DIAPH3: variants seen among roughly 807,000 people sequenced by gnomAD.
DIAPH3 encodes protein diaphanous homolog 3.
In DIAPH3, 117 loss-of-function variants were observed where a neutral mutation model predicts 144.3. The ratio of observed to expected loss-of-function variants is 0.81; its 90% CI spans 0.70 to 0.95. DIAPH3 has a LOEUF of 0.95. Among genes scored for constraint, DIAPH3 ranks in the 40% least tolerant of loss-of-function variants. DIAPH3 has a pLI of 0.00. For missense variants in DIAPH3, 1,421 were observed against 1,412.7 expected, an observed-to-expected ratio of 1.01 and a Z score of -0.09; for synonymous variants, 519 against 488.9, an observed-to-expected ratio of 1.06 and a Z score of -0.81.
chr13:60,119,865 GCCTATAGCACAGTA>G (rs1364510730), intron 2 of DIAPH3, among the ~76,000 whole-genome samples: 1 of 151,520 alleles, frequency 6.6e-6, no homozygotes, highest in Non-Finnish European at 1.5e-5. Context: ...TGTGTATGCA[GCCTATAGCACAGTA>G]CCTGATAGTT....
At chr13:60,088,948 G>A (rs1594633859) in intron 4 of DIAPH3, among the ~76,000 whole-genome samples, 1 of 152,124 alleles carries the variant, frequency 6.6e-6, no homozygotes, top group South Asian at 2.1e-4. Flanking sequence ...CTAACCCTCT[G>A]TAATTGATAG....
intron 17 of DIAPH3, among the ~76,000 whole-genome samples, chr13:59,938,714 A>G (rs913843476): frequency 6.6e-6 from 1 of 152,188 alleles, no homozygotes; most frequent in Non-Finnish European, 1.5e-5. Flanking sequence ...CCCTAGTAGT[A>G]TAAGGAGGTG....
intron 22 of DIAPH3, among the ~76,000 whole-genome samples, chr13:59,858,136 G>T (rs1298460111): frequency 6.6e-6 from 1 of 152,102 alleles, no homozygotes; most frequent in Non-Finnish European, 1.5e-5. Context: ...CATAATGGTG[G>T]TATTATGGGA....
intron 24 of DIAPH3, among the ~76,000 whole-genome samples, chr13:59,818,971 T>G (rs2040923710): frequency 1.3e-5 from 2 of 151,888 alleles, no homozygotes; most frequent in Non-Finnish European, 2.9e-5. Flanking sequence ...ATATTTCATA[T>G]ATTGTTACTA....
In DIAPH3 at chr13:59,973,615, G is replaced by GA. The variant is rs2050511900; in HGVS notation, c.1650+736dup. 2.0e-5 allele frequency among the ~76,000 whole-genome samples: 3 copies of GA among 151,862 alleles called. No homozygotes were observed. In the South Asian group the frequency reaches 6.2e-4, roughly 31 times the overall value. ...AAAACTATCCACTAAGCATTTAAAA[G>GA]AAAACAAAATTGCCAGTAAGATAGG... On this transcript the variant is annotated intron_variant, in intron 15 of 27. Coordinates refer to ENST00000400324, the MANE Select transcript of DIAPH3 (RefSeq NM_001042517.2).
chr13:59,678,981 A>T (rs2032788496), intron 27 of DIAPH3, among the ~76,000 whole-genome samples: 1 of 152,218 alleles, frequency 6.6e-6, no homozygotes, highest in Admixed American at 6.5e-5. Context: ...TATAACTAGC[A>T]TATTTGGATC....
At chr13:59,693,287 GATTTTATT>G (rs949315970) in intron 27 of DIAPH3, among the ~76,000 whole-genome samples, 42 of 152,148 alleles carry the variant, frequency 2.8e-4, no homozygotes, top group African/African-American at 7.0e-4. Context: ...TATGAACTGA[GATTTTATT>G]ATTTTATTAT....
intron 4 of DIAPH3, among the ~76,000 whole-genome samples, chr13:60,063,414 C>G (rs2056842276): frequency 6.6e-6 from 1 of 152,122 alleles, no homozygotes; most frequent in Non-Finnish European, 1.5e-5. Flanking sequence ...CTTCAAAACT[C>G]ATGTTAATGT....
intron 27 of DIAPH3, among the ~76,000 whole-genome samples, chr13:59,757,391 C>CTTT (rs1566267394): frequency 2.2e-5 from 3 of 136,690 alleles, no homozygotes; most frequent in Non-Finnish European, 3.1e-5. Flanking sequence ...TATGGGTCAT[C>CTTT]CTTTTTTTTT....
At chr13:59,775,140 C>T (rs2038334850) in intron 25 of DIAPH3, among the ~76,000 whole-genome samples, 1 of 152,154 alleles carries the variant, frequency 6.6e-6, no homozygotes, top group South Asian at 2.1e-4. Context: ...ATGTTTGAGT[C>T]TTGAGTTATA....
intron 19 of DIAPH3, among the ~76,000 whole-genome samples, chr13:59,912,917 C>T (rs552656216): frequency 4.3e-4 from 66 of 151,770 alleles, no homozygotes; most frequent in African/African-American, 1.4e-3. Context: ...GGTTAACTGG[C>T]CAAAAACAAA....
intron 21 of DIAPH3, among the ~76,000 whole-genome samples, chr13:59,870,032 T>C (rs910633723): frequency 1.3e-5 from 2 of 152,130 alleles, no homozygotes; most frequent in African/African-American, 2.4e-5. Flanking sequence ...GTGTTATATC[T>C]AAAACGTCAT....
rs542244058 is a variant in DIAPH3, at chr13:59,666,715, C to T, written c.3451G>A (p.Ala1151Thr). Residue 1151 changes from alanine to threonine, a missense_variant, in exon 28 of 28, where the codon GCA becomes ACA. Ala to Thr is a moderately conservative substitution (Grantham distance 58). Coordinates refer to ENST00000400324, the MANE Select transcript of DIAPH3 (RefSeq NM_001042517.2). The stretch of plus-strand genomic sequence containing the variant: ...TTACACGCTTCCTTCTTCTCAGCTG[C>T]CTTGATCCTCCCAGTAGACGTATGA... ...DTHTSTGRIK[A>T]AEKKEACNVE... 3.1e-6 allele frequency: 5 copies of T among 1,614,128 alleles called. No homozygotes were observed. The highest frequency in any genetic ancestry group is 2.7e-5 in the African/African-American group (2 of 75,038).
At chr13:59,866,830 A>G (rs2043953685) in intron 21 of DIAPH3, among the ~76,000 whole-genome samples, 1 of 152,014 alleles carries the variant, frequency 6.6e-6, no homozygotes, top group Non-Finnish European at 1.5e-5. Context: ...AAATAAAGGT[A>G]TCTACGTGAA....
intron 4 of DIAPH3, among the ~76,000 whole-genome samples, chr13:60,058,597 A>G (rs1409891606): frequency 2.6e-5 from 4 of 152,006 alleles, no homozygotes; most frequent in African/African-American, 9.7e-5. Context: ...GCAATTGCAA[A>G]GACATGGAAT....
intron 20 of DIAPH3, among the ~76,000 whole-genome samples, chr13:59,896,342 T>C (rs1269747609): frequency 6.6e-6 from 1 of 152,218 alleles, no homozygotes; most frequent in African/African-American, 2.4e-5. Context: ...TGCGATATTA[T>C]GCCATTAACC....
At chr13:59,741,149 T>G (rs1181423106) in intron 27 of DIAPH3, among the ~76,000 whole-genome samples, 2 of 139,362 alleles carry the variant, frequency 1.4e-5, no homozygotes, top group African/African-American at 5.6e-5. Flanking sequence ...AGCAGGTGCT[T>G]TCTGAAAGAA....
intron 5 of DIAPH3, among the ~76,000 whole-genome samples, chr13:60,037,758 A>G (rs538239565): frequency 6.6e-6 from 1 of 152,192 alleles, no homozygotes; most frequent in African/African-American, 2.4e-5. Context: ...AAATTCCAAC[A>G]TATTTTCACA....
At chr13:60,062,497 C>A (rs1203871929) in intron 4 of DIAPH3, among the ~76,000 whole-genome samples, 8 of 152,148 alleles carry the variant, frequency 5.3e-5, no homozygotes, top group Non-Finnish European at 7.4e-5. Flanking sequence ...TTCCAATTAC[C>A]TTTAAACCTT....
Sources: allele counts gnomAD v4.1 joint callset (sites outside exome capture counted in the v4.1 genomes callset), GRCh38; gene constraint gnomAD v4.1.1; transcripts MANE v1.5; gene names NCBI Gene and HGNC (gene_info 2026-07-23, HGNC 2026-07-21).